The following PPP5C variants were observed in gnomAD, a reference collection of about 807,000 sequenced individuals.
PPP5C encodes the protein protein phosphatase 5 catalytic subunit.
Under a neutral mutation model 66.7 loss-of-function variants are expected in PPP5C, and 21 were observed. That is an observed-to-expected ratio of 0.31 (90% CI 0.22 to 0.45). The LOEUF (loss-of-function observed/expected upper bound fraction) is 0.45. Among genes scored for constraint, PPP5C ranks in the 20% least tolerant of loss-of-function variants. The probability of loss-of-function intolerance (pLI) is 1.00; values close to 1 mark genes in which losing one functional copy is unlikely to be tolerated. For synonymous variants in PPP5C, 246 were observed against 257.4 expected (o/e 0.96, Z 0.43); for missense variants, 464 against 675.9 (o/e 0.69, Z 3.48).
chr19:46,356,138 C>T (rs766919991), intron 2 of PPP5C, among the ~76,000 whole-genome samples: 7 of 152,182 alleles, frequency 4.6e-5, no homozygotes, highest in Non-Finnish European at 7.4e-5. Flanking sequence ...CCAGGCCTGG[C>T]GGATGGCAGG....
intron 2 of PPP5C, among the ~76,000 whole-genome samples, chr19:46,373,919 C>T (rs1166070588): frequency 2.0e-5 from 3 of 152,108 alleles, no homozygotes; most frequent in Non-Finnish European, 4.4e-5. Context: ...AGGCAGCCTG[C>T]ATAAAGGCCT....
At chr19:46,369,437 C>T (rs1284225711) in intron 2 of PPP5C, among the ~76,000 whole-genome samples, 1 of 151,924 alleles carries the variant, frequency 6.6e-6, no homozygotes, top group Non-Finnish European at 1.5e-5. Flanking sequence ...TCAAGACCAT[C>T]CTGGCCAACA....
chr19:46,347,466 G>A (rs987314623), intron 1 of PPP5C, among the ~76,000 whole-genome samples: 2 of 151,908 alleles, frequency 1.3e-5, no homozygotes, highest in African/African-American at 4.9e-5. Flanking sequence ...ACCAATTGTG[G>A]GGCGAGAGGG....
chr19:46,384,257 TCA>T, intron 6 of PPP5C: 1 of 287,272 alleles, frequency 3.5e-6, no homozygotes, highest in East Asian at 7.5e-5. Flanking sequence ...CTGCTTGGTG[TCA>T]CAGTTTCCCC....
At chr19:46,359,121 T>C (rs1002483115) in intron 2 of PPP5C, among the ~76,000 whole-genome samples, 1 of 152,138 alleles carries the variant, frequency 6.6e-6, no homozygotes, top group Non-Finnish European at 1.5e-5. Flanking sequence ...AAGGCTCACT[T>C]TAGGACAGGC....
rs546525918 is a variant in PPP5C at position 46,385,759 on chromosome 19, G to A, written c.904+850G>A. Among the ~76,000 whole-genome samples the A allele has an allele frequency of 1.7e-4, 25 of 150,112 alleles. 1 individual carries two copies. In the South Asian group the frequency reaches 2.6e-3, roughly 15 times the overall value. ...TGCGCCACTGCACTCCAGCCTAGTC[G>A]ATAGAGTGAGACTCAGTCTAAAAAA... On this transcript the variant is annotated intron_variant, in intron 7 of 12. Coordinates refer to ENST00000012443, the MANE Select transcript of PPP5C (RefSeq NM_006247.4).
At chr19:46,351,035 G>C (rs1208505847) in intron 1 of PPP5C, among the ~76,000 whole-genome samples, 1 of 152,244 alleles carries the variant, frequency 6.6e-6, no homozygotes. Flanking sequence ...TGTCTCAACT[G>C]TCTTCCCCTC....
intron 4 of PPP5C, among the ~76,000 whole-genome samples, chr19:46,378,216 A>T (rs1255972692): frequency 6.6e-6 from 1 of 152,154 alleles, no homozygotes; most frequent in South Asian, 2.1e-4. Context: ...TCATTGAGTT[A>T]GAATTGTTTT....
chr19:46,381,848 T>C (rs1326265384), intron 4 of PPP5C: 1 of 152,216 alleles, frequency 6.6e-6, no homozygotes, highest in African/African-American at 2.4e-5. Context: ...GGGCAGCTTT[T>C]ATTGGAGTTT....
intron 1 of PPP5C, among the ~76,000 whole-genome samples, chr19:46,348,607 C>A (rs937194149): frequency 6.6e-6 from 1 of 152,114 alleles, no homozygotes; most frequent in African/African-American, 2.4e-5. Context: ...AGCCACCACG[C>A]CCAGCCCTAC....
At chr19:46,377,932 C>T (rs543494413) in intron 4 of PPP5C, among the ~76,000 whole-genome samples, 1 of 152,336 alleles carries the variant, frequency 6.6e-6, no homozygotes, top group South Asian at 2.1e-4. Flanking sequence ...TAAGTATAAG[C>T]TGCTATGAAC....
At chr19:46,374,428 G>A (rs1972654543) in intron 2 of PPP5C, among the ~76,000 whole-genome samples, 1 of 141,650 alleles carries the variant, frequency 7.1e-6, no homozygotes, top group African/African-American at 2.6e-5. Flanking sequence ...GGCTAAGGAT[G>A]GTGGGCAGGT....
intron 2 of PPP5C, among the ~76,000 whole-genome samples, chr19:46,359,203 G>T (rs557640832): frequency 1.3e-5 from 2 of 152,188 alleles, no homozygotes; most frequent in East Asian, 3.9e-4. Context: ...AGCTGAAGTA[G>T]GATGGCCTCA....
At position 46,347,220 on chromosome 19, in the gene PPP5C, G is replaced by A; in HGVS notation, c.121+3G>A. The A allele has an allele frequency of 6.2e-7, 1 of 1,601,880 alleles. No individual in the cohort carries two copies. The highest frequency in any genetic ancestry group is 2.3e-5 in the East Asian group (1 of 44,296). ...TCAGGCCAATGACTACTTCAAAGGT[G>A]CGCCCGCCTGGCAGGGAGGGTGGAC... On this transcript the variant is annotated splice_donor_region_variant and intron_variant, in intron 1 of 12. Coordinates refer to ENST00000012443, the MANE Select transcript of PPP5C (RefSeq NM_006247.4).
chr19:46,363,281 C>G (rs1192770615), intron 2 of PPP5C, among the ~76,000 whole-genome samples: 2 of 96,098 alleles, frequency 2.1e-5, no homozygotes, highest in African/African-American at 8.7e-5. Flanking sequence ...GCACTCCAGC[C>G]TGGGCGACAG....
intron 3 of PPP5C, 136 bp downstream of exon 3, chr19:46,375,887 T>C: frequency 7.1e-7 from 1 of 1,408,142 alleles, no homozygotes; most frequent in East Asian, 2.5e-5. Context: ...CTCCTCTGCC[T>C]GTGTTCCAGG....
intron 2 of PPP5C, among the ~76,000 whole-genome samples, chr19:46,369,880 C>CAGGCTGG (rs1972556182): frequency 7.5e-6 from 1 of 133,306 alleles, no homozygotes; most frequent in Non-Finnish European, 1.5e-5. Flanking sequence ...GAGCCGAGAT[C>CAGGCTGG]AAGCCATTGC....
In PPP5C at chr19:46,390,616, CGGGGT is replaced by C; in HGVS notation, c.*280_*284del. 1 of 1,252,446 alleles carries C rather than the reference CGGGGT, an allele frequency of 8.0e-7. No homozygotes were observed. Among genetic ancestry groups the C allele is most frequent in the Non-Finnish European group, 1.0e-6 (1 of 982,750 alleles). The allele number at this position is 1,252,446 out of a possible 1,614,324, so 77.6% of individuals were successfully genotyped here. On this transcript the variant is annotated 3_prime_UTR_variant, in exon 13 of 13. Coordinates refer to ENST00000012443, the MANE Select transcript of PPP5C (RefSeq NM_006247.4). ...GGGCATTCTGTGGGGAGGCCGTCCT[CGGGGT>C]GGGGTGGGGCCGAGTGGCTGCCCTG...
At chr19:46,375,383 A>G (rs1445715589) in intron 2 of PPP5C, among the ~76,000 whole-genome samples, 1 of 152,240 alleles carries the variant, frequency 6.6e-6, no homozygotes, top group Non-Finnish European at 1.5e-5. Flanking sequence ...CTCATAGCTA[A>G]GATTGATGAA....
Sources: allele counts gnomAD v4.1 joint callset (sites outside exome capture counted in the v4.1 genomes callset), GRCh38; gene constraint gnomAD v4.1.1; transcripts MANE v1.5; gene names NCBI Gene and HGNC (gene_info 2026-07-23, HGNC 2026-07-21).